EFL1: variants seen among roughly 807,000 people sequenced by gnomAD.
The protein encoded by EFL1 is elongation factor-like GTPase 1.
EFL1 carries 76 observed loss-of-function variants against 126.7 expected under a neutral mutation model. That is an observed-to-expected ratio of 0.60 (90% CI 0.50 to 0.73). The LOEUF (loss-of-function observed/expected upper bound fraction) is 0.73, where lower values mean the gene tolerates loss of function less well. Ranked by LOEUF, EFL1 falls within the 30% of genes least tolerant of loss-of-function variation. The pLI, the probability that EFL1 is intolerant of heterozygous loss-of-function variation, is 0.00. For synonymous variants in EFL1, 410 were observed against 448.4 expected (o/e 0.91, Z 1.08); for missense variants, 1,128 against 1,343.2 (o/e 0.84, Z 2.50).
chr15:82,222,494 C>T (rs1359597526), intron 12 of EFL1, among the ~76,000 whole-genome samples: 1 of 150,786 alleles, frequency 6.6e-6, no homozygotes, highest in African/African-American at 2.4e-5. Context: ...AAATCCTCAT[C>T]TGTCTAAGTT....
At chr15:82,182,921 C>A (rs528321046) in intron 15 of EFL1, among the ~76,000 whole-genome samples, 5 of 152,046 alleles carry the variant, frequency 3.3e-5, no homozygotes, top group Non-Finnish European at 7.4e-5. Context: ...CACCAGCGTA[C>A]GAACAATCGT....
intron 14 of EFL1, among the ~76,000 whole-genome samples, chr15:82,216,342 C>A (rs2074646360): frequency 6.6e-6 from 1 of 152,086 alleles, no homozygotes; most frequent in Admixed American, 6.5e-5. Flanking sequence ...CCAATCGAAG[C>A]CTCAACAGGG....
intron 14 of EFL1, among the ~76,000 whole-genome samples, chr15:82,216,790 G>C (rs774853865): frequency 6.6e-6 from 1 of 151,968 alleles, no homozygotes; most frequent in East Asian, 1.9e-4. Context: ...ATTTTCTTAG[G>C]ATACAAAAAG....
Position 82,130,456 on chromosome 15 carries a change from C to T in EFL1, c.3280G>A (p.Val1094Ile), listed in dbSNP as rs1231593347. The change falls in exon 20 of 20, where the codon GTA becomes ATA. Residue 1094 changes from valine (V) to isoleucine (I), a missense_variant. By Grantham distance (29) the Val-to-Ile change is conservative (BLOSUM62 3). This residue lies in a region of EFL1 where 561 missense variants were observed against 641.7 expected (regional missense o/e 0.87). Coordinates refer to ENST00000268206, the MANE Select transcript of EFL1 (RefSeq NM_024580.6). ...ACATAAAGCCCCTTCCGCTTTCGTA[C>T]TGCGTTCATGTACTTCCGGGCTTGG... is the stretch of plus-strand genomic sequence containing the variant. ...ENQARKYMNAVRKRKGLYVEE... is the reference protein window; with the variant it reads ...ENQARKYMNAIRKRKGLYVEE... 3 of 1,614,212 alleles carry T rather than the reference C, an allele frequency of 1.9e-6. No individual in the cohort carries two copies. Among genetic ancestry groups the T allele is most frequent in the South Asian group, 1.1e-5 (1 of 91,080 alleles).
In EFL1 at chr15:82,151,513, T is replaced by G; in HGVS notation, c.2941A>C (p.Met981Leu). The G allele has an allele frequency of 3.7e-6, 6 of 1,614,026 alleles. No individual in the cohort carries two copies. Among genetic ancestry groups the G allele is most frequent in the Non-Finnish European group, 5.1e-6 (6 of 1,179,972 alleles). ...YALQVKPQRL[M>L]AAMYTCDIMA... is the part of the protein sequence containing the mutation. ...ATGTCACATGTGTACATAGCTGCCATCAGGCGCTGAGGTTTCACTTGCAGT... is the reference window on the plus strand; with the variant it reads ...ATGTCACATGTGTACATAGCTGCCAGCAGGCGCTGAGGTTTCACTTGCAGT... Residue 981 changes from methionine (M) to leucine (L), a missense_variant, in exon 18 of 20, where the codon ATG (methionine) becomes CTG (leucine). Around this residue, in one of 6 missense-constraint regions of EFL1, gnomAD observed 561 missense variants for 641.7 expected, o/e 0.87. Transcript: ENST00000268206.
intron 15 of EFL1, among the ~76,000 whole-genome samples, chr15:82,178,965 C>G (rs1244745500): frequency 6.6e-6 from 1 of 151,832 alleles, no homozygotes; most frequent in East Asian, 1.9e-4. Flanking sequence ...GACTCTGTCT[C>G]AAAACAAATA....
chr15:82,163,937 T>C lies in EFL1; in HGVS notation c.1798A>G (p.Ser600Gly), dbSNP rs1181769281. ...ATAAATGGTGGGCAGGATGGCAGGC[T>C]ACACAGTGTTGCAGATTTCAGCACA... ...DFVLKSATLC[S>G]LPSCPPFIPL... The change falls in exon 16 of 20, where the codon AGC becomes GGC. Residue 600 changes from serine (S) to glycine (G), a missense_variant. Physicochemically the swap from Ser to Gly is moderately conservative, Grantham distance 56. Transcript: ENST00000268206. 6.2e-7 allele frequency: 1 copy of C among 1,614,152 alleles called. No homozygotes were observed. Among genetic ancestry groups the C allele is most frequent in the Non-Finnish European group, 8.5e-7 (1 of 1,180,002 alleles).
intron 15 of EFL1, among the ~76,000 whole-genome samples, chr15:82,194,297 T>C (rs1371835523): frequency 6.6e-6 from 1 of 152,162 alleles, no homozygotes; most frequent in Non-Finnish European, 1.5e-5. Flanking sequence ...CCATAAATAT[T>C]TCTTGAGTAT....
intron 16 of EFL1, among the ~76,000 whole-genome samples, chr15:82,159,312 T>C (rs1218796284): frequency 1.3e-5 from 2 of 152,094 alleles, no homozygotes; most frequent in Admixed American, 6.5e-5. Flanking sequence ...AAAAAAGAAA[T>C]GGCAAAGCTT....
chr15:82,262,291 A>G (rs2141350355), intron 1 of EFL1: 1 of 155,232 alleles, frequency 6.4e-6, no homozygotes. Flanking sequence ...GCCCGAACAA[A>G]GTTTTGGGTC....
At chr15:82,155,052 A>G (rs1336589769) in intron 17 of EFL1, among the ~76,000 whole-genome samples, 2 of 152,232 alleles carry the variant, frequency 1.3e-5, no homozygotes, top group African/African-American at 4.8e-5. Flanking sequence ...CTTCTGTTCA[A>G]CATTATATTG....
intron 12 of EFL1, among the ~76,000 whole-genome samples, chr15:82,224,194 C>G (rs1204410943): frequency 6.6e-6 from 1 of 152,170 alleles, no homozygotes; most frequent in Non-Finnish European, 1.5e-5. Flanking sequence ...ATTTCACGGG[C>G]TGATGATCTG....
At chr15:82,156,229 C>T (rs1160447396) in intron 17 of EFL1, among the ~76,000 whole-genome samples, 4 of 152,164 alleles carry the variant, frequency 2.6e-5, no homozygotes, top group South Asian at 2.1e-4. Context: ...CATGAGGTAG[C>T]GGTCTAGTTT....
At chr15:82,132,162 A>G (rs1277493381) in intron 19 of EFL1, among the ~76,000 whole-genome samples, 2 of 152,198 alleles carry the variant, frequency 1.3e-5, no homozygotes, top group Non-Finnish European at 2.9e-5. Context: ...GGGAGGTGTG[A>G]GCCACAACTG....
intron 1 of EFL1, 24 bp from the exon 2 acceptor site, chr15:82,261,821 A>G: frequency 6.3e-7 from 1 of 1,582,924 alleles, no homozygotes; most frequent in African/African-American, 1.3e-5. Flanking sequence ...ATGTATTACA[A>G]ATGGCCCAGA....
At position 82,184,385 on chromosome 15, in the gene EFL1, A is replaced by C. The variant is rs114136529; in HGVS notation, c.1751-20401T>G. Among the ~76,000 whole-genome samples the C allele has an allele frequency of 6.5e-3, 995 of 152,298 alleles. 11 individuals are homozygous for C. The highest frequency in any genetic ancestry group is 0.022 in the African/African-American group (930 of 41,562). On this transcript the variant is annotated intron_variant, in intron 15 of 19. Coordinates refer to ENST00000268206, the MANE Select transcript of EFL1 (RefSeq NM_024580.6). ...AGCATTAATTACCTCCAGGAAAGGTATTATAACAATGGAAAAGACAAAATC... is the reference window on the plus strand; with the variant it reads ...AGCATTAATTACCTCCAGGAAAGGTCTTATAACAATGGAAAAGACAAAATC...
At chr15:82,246,484 A>G (rs1220020017) in intron 4 of EFL1, among the ~76,000 whole-genome samples, 1 of 152,094 alleles carries the variant, frequency 6.6e-6, no homozygotes, top group Non-Finnish European at 1.5e-5. Flanking sequence ...TAATTGAGAG[A>G]GTAATTGTAG....
At chr15:82,138,540 G>A (rs780164107) in intron 19 of EFL1, 118 bp downstream of exon 19, 1 of 1,186,590 alleles carries the variant, frequency 8.4e-7, no homozygotes, top group East Asian at 2.4e-5. Context: ...ATTTGACTGA[G>A]TTGAGCCATA....
chr15:82,159,151 A>G (rs2141237063), intron 16 of EFL1, among the ~76,000 whole-genome samples: 1 of 128,628 alleles, frequency 7.8e-6, no homozygotes, highest in South Asian at 2.2e-4. Flanking sequence ...GGCATACTGT[A>G]ATTTTTTTTT....
Sources: allele counts gnomAD v4.1 joint callset (sites outside exome capture counted in the v4.1 genomes callset), GRCh38; gene constraint gnomAD v4.1.1; regional missense constraint gnomAD v4.1.1; transcripts MANE v1.5; gene names NCBI Gene and HGNC (gene_info 2026-07-23, HGNC 2026-07-21).